The following RRP7A variants were observed in gnomAD, a reference collection of about 807,000 sequenced individuals.
RRP7A encodes the protein ribosomal RNA processing 7 homolog A, also known as ribosomal RNA-processing protein 7 homolog A.
A neutral mutation model predicts 38.4 loss-of-function variants in RRP7A; 27 were observed. The observed-to-expected ratio is 0.70, with a 90% CI of 0.52 to 0.97. RRP7A has a LOEUF of 0.97. RRP7A is among the 50% of genes least tolerant of loss of function. The pLI, the probability that RRP7A is intolerant of heterozygous loss-of-function variation, is 0.00. For synonymous variants in RRP7A, 124 were observed against 150.3 expected (o/e 0.83, Z 1.28); for missense variants, 327 against 375.4 (o/e 0.87, Z 1.07).
rs190929857 is a variant in RRP7A, at chr22:42,517,983, T to A, written c.216+22A>T. 107 of 1,609,368 alleles carry A rather than the reference T, an allele frequency of 6.6e-5. No individual in the cohort carries two copies. In the African/African-American group the frequency reaches 1.2e-3, roughly 18 times the overall value. ...CCCCACCTTGAGCCCACAGGTCTCC[T>A]CCCAGACAGACACTAGCTCACCTCT... On this transcript the variant is annotated intron_variant, in intron 2 of 6. Transcript: ENST00000323013.
In RRP7A at chr22:42,511,994, C is replaced by G. The variant is rs1932479681; in HGVS notation, c.*916G>C. On this transcript the variant is annotated 3_prime_UTR_variant, in exon 7 of 7. Transcript: ENST00000323013. ...AGGAGCCGAGTGTGGGGGAAACTCA[C>G]TGTGGGAGGCGCTCCTGACCTGCAG... 37 of 709,380 alleles carry G rather than the reference C, an allele frequency of 5.2e-5. No individual in the cohort carries two copies. In the South Asian group the frequency reaches 6.2e-4, roughly 12 times the overall value. The allele number at this position is 709,380 out of a possible 1,614,324, so 43.9% of individuals were successfully genotyped here.
At position 42,516,104 on chromosome 22, in the gene RRP7A, G is replaced by A; in HGVS notation, c.249C>T (p.Gly83=). ...CCTGCAACTCTACAGACTGGACGAGGCCACAGGTGGACAGGAGGCGGGACA... is the reference window on the plus strand; with the variant it reads ...CCTGCAACTCTACAGACTGGACGAGACCACAGGTGGACAGGAGGCGGGACA... ...ESLSRLLSTC[G]LVQSVELQEK... The change falls in exon 3 of 7, where the codon GGC becomes GGT. Residue 83 remains glycine (G), a synonymous_variant. Transcript: ENST00000323013. 1.9e-6 allele frequency: 3 copies of A among 1,613,708 alleles called. No individual in the cohort carries two copies. Among genetic ancestry groups the A allele is most frequent in the Non-Finnish European group, 1.7e-6 (2 of 1,179,782 alleles).
intron 1 of RRP7A, chr22:42,518,548 T>G (rs1237370658): frequency 9.0e-6 from 4 of 444,186 alleles, no homozygotes; most frequent in Non-Finnish European, 1.9e-5. Flanking sequence ...TTCCCCCGGG[T>G]ACACCAGGGC....
intron 5 of RRP7A, 106 bp from the exon 6 acceptor site, chr22:42,514,410 G>A (rs1018442899): frequency 1.2e-5 from 10 of 801,786 alleles, no homozygotes; most frequent in Non-Finnish European, 2.0e-5. Context: ...GCCCCCGCAG[G>A]GGAGGGCTGC....
At position 42,512,836 on chromosome 22, in the gene RRP7A, CAG is replaced by C. The variant is rs1175230868; in HGVS notation, c.*72_*73del. On this transcript the variant is annotated 3_prime_UTR_variant, in exon 7 of 7. Coordinates refer to ENST00000323013, the MANE Select transcript of RRP7A (RefSeq NM_015703.5). The stretch of plus-strand genomic sequence containing the variant: ...GCCCGTTGGCCAGAGCTCGGCCTCT[CAG>C]AGACCGCTGCAGGCCCTGCCTCGCC... 1.3e-5 allele frequency: 19 copies of C among 1,488,248 alleles called. No individual in the cohort carries two copies. The highest frequency in any genetic ancestry group is 1.7e-5 in the Non-Finnish European group (18 of 1,079,544). The allele number at this position is 1,488,248 out of a possible 1,614,324, so 92.2% of individuals were successfully genotyped here. A position where few individuals can be genotyped will look rare whatever the true frequency, so the allele number is the denominator to read the frequency against.
At chr22:42,513,385 CCCTGGTCAGTGGGAGGCTGA>C (rs1920922780) in intron 6 of RRP7A, among the ~76,000 whole-genome samples, 1 of 108,722 alleles carries the variant, frequency 9.2e-6, no homozygotes, top group African/African-American at 3.3e-5. Context: ...CAGATGGCAA[CCCTGGTCAGTGGGAGGCTGA>C]TGGCACTGAG....
At position 42,512,683 on chromosome 22, in the gene RRP7A, T is replaced by C. The variant is rs546499830; in HGVS notation, c.*227A>G. The C allele has an allele frequency of 4.0e-5, 24 of 605,266 alleles. No homozygotes were observed. Among genetic ancestry groups the C allele is most frequent in the Non-Finnish European group, 6.5e-5 (22 of 339,000 alleles). 37.5% of individuals were successfully genotyped at this position (605,266 alleles called of 1,614,324 possible). On this transcript the variant is annotated 3_prime_UTR_variant, in exon 7 of 7. Coordinates refer to ENST00000323013, the MANE Select transcript of RRP7A (RefSeq NM_015703.5). ...GGAGGCAAGAAGCAGGAAGGACAAGTCCTCCTCTCGGCACGCCTGGGTCCC... is the reference window on the plus strand; with the variant it reads ...GGAGGCAAGAAGCAGGAAGGACAAGCCCTCCTCTCGGCACGCCTGGGTCCC...
In RRP7A at chr22:42,509,623, G is replaced by C. The variant is rs1468266535; in HGVS notation, c.*3287C>G. On this transcript the variant is annotated 3_prime_UTR_variant, in exon 7 of 7. Transcript: ENST00000323013. ...GGATTACAGGCGAGAGCCACCGTGC[G>C]TGGCCCACCATAGACGATTTTTAAG... 6.6e-6 allele frequency among the ~76,000 whole-genome samples: 1 copy of C among 151,726 alleles called. No individual in the cohort carries two copies. Among genetic ancestry groups the C allele is most frequent in the Non-Finnish European group, 1.5e-5 (1 of 67,914 alleles).
intron 1 of RRP7A, chr22:42,518,618 G>A: frequency 2.1e-6 from 1 of 469,978 alleles, no homozygotes; most frequent in Non-Finnish European, 4.4e-6. Context: ...CTCACCTCAG[G>A]TTTAGCTCAA....
At chr22:42,515,361 C>T in intron 3 of RRP7A, 93 bp from the exon 4 acceptor site, 1 of 747,654 alleles carries the variant, frequency 1.3e-6, no homozygotes, top group Non-Finnish European at 2.3e-6. Flanking sequence ...GTAGCTACAC[C>T]AGGGGAGATG....
At position 42,511,824 on chromosome 22, in the gene RRP7A, C is replaced by T. The variant is rs552307324; in HGVS notation, c.*1086G>A. The T allele has an allele frequency of 4.2e-5, 17 of 407,702 alleles. No homozygotes were observed. The highest frequency in any genetic ancestry group is 5.9e-5 in the South Asian group (2 of 33,946). 25.3% of individuals were successfully genotyped at this position (407,702 alleles called of 1,614,324 possible). Reference sequence around the variant, plus strand: ...TTATCTTTTCTCACGAGGACTACTTCGGATACAATCACAGCAACCCTGGCC... The same window carrying T: ...TTATCTTTTCTCACGAGGACTACTTTGGATACAATCACAGCAACCCTGGCC... On this transcript the variant is annotated 3_prime_UTR_variant, in exon 7 of 7. Coordinates refer to ENST00000323013, the MANE Select transcript of RRP7A (RefSeq NM_015703.5).
Position 42,513,131 on chromosome 22 carries a change from C to T in RRP7A, c.758-136G>A. On this transcript the variant is annotated intron_variant, in intron 6 of 6. Transcript: ENST00000323013. ...CCCCACCAGCCCATCCCCCTCCCAG[C>T]TCTGCTGTGGGGGCAGGGTCTGGAT... 3.9e-6 allele frequency: 3 copies of T among 761,564 alleles called. No homozygotes were observed. The East Asian group carries it at 8.1e-5, about 21-fold the overall frequency. 47.2% of individuals were successfully genotyped at this position (761,564 alleles called of 1,614,324 possible).
chr22:42,515,546 G>C (rs990403774), intron 3 of RRP7A, among the ~76,000 whole-genome samples: 3 of 152,244 alleles, frequency 2.0e-5, no homozygotes, highest in Admixed American at 6.5e-5. Flanking sequence ...GAGGGATGCG[G>C]TGAAACACAG....
At position 42,508,919 on chromosome 22, in the gene RRP7A, G is replaced by A. The variant is rs1932354546; in HGVS notation, c.*3991C>T. The A allele has an allele frequency of 2.0e-6, 3 of 1,506,034 alleles. No homozygotes were observed. Among genetic ancestry groups the A allele is most frequent in the Admixed American group, 1.9e-5 (1 of 52,716 alleles). The allele number at this position is 1,506,034 out of a possible 1,614,324, so 93.3% of individuals were successfully genotyped here. On this transcript the variant is annotated 3_prime_UTR_variant, in exon 7 of 7. Transcript: ENST00000323013. ...TCCTGGGCTCAGACCCAGGGTGGGTGGCTAAGGTGCCCTCGCCAGGGCTTA... is the reference window on the plus strand; with the variant it reads ...TCCTGGGCTCAGACCCAGGGTGGGTAGCTAAGGTGCCCTCGCCAGGGCTTA...
chr22:42,512,870 T>A lies in RRP7A; in HGVS notation c.*40A>T. 6.3e-7 allele frequency: 1 copy of A among 1,597,016 alleles called. No homozygotes were observed. Among genetic ancestry groups the A allele is most frequent in the Non-Finnish European group, 8.6e-7 (1 of 1,166,904 alleles). On this transcript the variant is annotated 3_prime_UTR_variant, in exon 7 of 7. Transcript: ENST00000323013. ...CTGCAGGCCCTGCCTCGCCTCCTCC[T>A]GGCCCTGCACCTCCAGCCATTCACT...
chr22:42,519,210 T>C lies in RRP7A; in HGVS notation c.73+504A>G, dbSNP rs1246134469. Among the ~76,000 whole-genome samples, 3 of 149,992 alleles carry C rather than the reference T, an allele frequency of 2.0e-5. No homozygotes were observed. The East Asian group carries it at 5.9e-4, about 29-fold the overall frequency. On this transcript the variant is annotated intron_variant, in intron 1 of 6. Transcript: ENST00000323013. ...GATAAAGCCACTGGAGGGAATGCAG[T>C]AGGTGTGGCGCCTATCGTGGGCGCG...
chr22:42,519,665 TC>T, intron 1 of RRP7A, 48 bp downstream of exon 1: 1 of 1,408,388 alleles, frequency 7.1e-7, no homozygotes, highest in Non-Finnish European at 9.3e-7. Flanking sequence ...CCCAAACACC[TC>T]CCGGCGATGC....
chr22:42,514,218 G>A lies in RRP7A; in HGVS notation c.645C>T (p.Leu215=), dbSNP rs200750312. The A allele has an allele frequency of 3.5e-5, 56 of 1,610,238 alleles. No homozygotes were observed. The highest frequency in any genetic ancestry group is 6.6e-5 in the South Asian group (6 of 90,924). The part of the protein sequence containing the change: ...KVTRRGRRPV[L]PRTEAASLRV... ...GCAAGCTGGCTGCCTCAGTCCGGGG[G>A]AGCACAGGCCGCCGGCCCCGGCGGG... The change falls in exon 6 of 7, where the codon CTC becomes CTT. Residue 215 remains leucine, a synonymous_variant. Coordinates refer to ENST00000323013, the MANE Select transcript of RRP7A (RefSeq NM_015703.5).
chr22:42,510,917 T>G lies in RRP7A; in HGVS notation c.*1993A>C, dbSNP rs73173063. 0.12 allele frequency: 63,320 copies of G among 516,572 alleles called. 4,328 individuals are homozygous for G. The highest frequency in any genetic ancestry group is 0.19 in the Admixed American group (3,290 of 17,712). The allele number at this position is 516,572 out of a possible 1,614,324, so 32.0% of individuals were successfully genotyped here. ...CCTGGGGACACATGTAATCAGAATT[T>G]AAGAAACAGAGACCTTTGGTGGGGA... is the stretch of plus-strand genomic sequence containing the variant. On this transcript the variant is annotated 3_prime_UTR_variant, in exon 7 of 7. Coordinates refer to ENST00000323013, the MANE Select transcript of RRP7A (RefSeq NM_015703.5).
Sources: allele counts gnomAD v4.1 joint callset (sites outside exome capture counted in the v4.1 genomes callset), GRCh38; gene constraint gnomAD v4.1.1; transcripts MANE v1.5; gene names NCBI Gene and HGNC (gene_info 2026-07-23, HGNC 2026-07-21).